CDK12: variants seen among roughly 807,000 people sequenced by gnomAD.
The protein encoded by CDK12 is cyclin dependent kinase 12, also known as cyclin-dependent kinase 12.
A neutral mutation model predicts 133.8 loss-of-function variants in CDK12; 17 were observed. The ratio of observed to expected loss-of-function variants is 0.13; its 90% confidence interval spans 0.09 to 0.19. CDK12 has a LOEUF of 0.19. Ranked by LOEUF, CDK12 falls within the 10% of genes least tolerant of loss-of-function variation. The pLI is 1.00. For synonymous variants in CDK12, 694 were observed against 683.6 expected (o/e 1.02, Z -0.24); for missense variants, 1,508 against 1,818.7 (o/e 0.83, Z 3.11).
At chr17:39,502,379 T>G (rs1192434078) in intron 6 of CDK12, among the ~76,000 whole-genome samples, 1 of 152,034 alleles carries the variant, frequency 6.6e-6, no homozygotes, top group Non-Finnish European at 1.5e-5. Context: ...GGTCTCTATC[T>G]CCTGACCTCG....
intron 9 of CDK12, 126 bp from the exon 10 acceptor site, chr17:39,517,314 G>T: frequency 1.5e-6 from 1 of 647,190 alleles, no homozygotes; most frequent in South Asian, 2.0e-5. Context: ...CTTTCTGCAT[G>T]CCCTGTAATG....
At chr17:39,496,962 A>C (rs2052173261) in intron 5 of CDK12, among the ~76,000 whole-genome samples, 1 of 118,242 alleles carries the variant, frequency 8.5e-6, no homozygotes. Context: ...AAGGAGTCTC[A>C]CTCTGTCGCC....
At position 39,517,534 on chromosome 17, in the gene CDK12, C is replaced by T. The variant is rs1300041019; in HGVS notation, c.2941C>T (p.Arg981Cys). The T allele has an allele frequency of 3.1e-6, 5 of 1,602,866 alleles. No homozygotes were observed. The highest frequency in any genetic ancestry group is 4.3e-6 in the Non-Finnish European group (5 of 1,169,920). Reference protein sequence around the residue: ...TMKPKKQYRRRLREEFSFIPS... With the variant: ...TMKPKKQYRRCLREEFSFIPS... ...GAAACCGAAGAAGCAATATCGAAGGCGTCTACGAGAAGAATTCTCTTTGTG... is the reference window on the plus strand; with the variant it reads ...GAAACCGAAGAAGCAATATCGAAGGTGTCTACGAGAAGAATTCTCTTTGTG... The change falls in exon 10 of 14, where the codon CGT becomes TGT. Residue 981 changes from arginine (R) to cysteine (C), a missense_variant. Arg to Cys is a radical substitution (Grantham distance 180). Coordinates refer to ENST00000447079, the MANE Select transcript of CDK12 (RefSeq NM_016507.4).
Position 39,496,453 on chromosome 17 carries a change from A to G in CDK12, c.2419+1759A>G, listed in dbSNP as rs534959637. On this transcript the variant is annotated intron_variant, in intron 5 of 13. Coordinates refer to ENST00000447079, the MANE Select transcript of CDK12 (RefSeq NM_016507.4). ...AGTGGCTCACCCCTGTAATCTCAGC[A>G]CTTTGGGAGGCCGAGTCAGGTTGAT... Among the ~76,000 whole-genome samples the G allele has an allele frequency of 4.7e-4, 71 of 152,226 alleles. 1 individual carries two copies. The highest frequency in any genetic ancestry group is 1.6e-3 in the African/African-American group (67 of 41,556).
chr17:39,496,816 A>G (rs1333353397), intron 5 of CDK12, among the ~76,000 whole-genome samples: 1 of 151,784 alleles, frequency 6.6e-6, no homozygotes, highest in African/African-American at 2.4e-5. Flanking sequence ...TATTTGGTCA[A>G]ATGGATTTTC....
downstream of CDK12, among the ~76,000 whole-genome samples, chr17:39,537,564 T>TA (rs2055194158): frequency 6.7e-6 from 1 of 148,150 alleles, no homozygotes; most frequent in Non-Finnish European, 1.5e-5. Context: ...TTTATTTATT[T>TA]ATTTATTTAT....
chr17:39,563,275 G>A (rs2144656688), intron 3 of CDK12, among the ~76,000 whole-genome samples: 1 of 152,158 alleles, frequency 6.6e-6, no homozygotes, highest in Admixed American at 6.6e-5. Flanking sequence ...GTGTGTAAGC[G>A]AGGCAGGGTA....
chr17:39,500,257 G>A (rs1035297133), intron 5 of CDK12, among the ~76,000 whole-genome samples: 5 of 152,120 alleles, frequency 3.3e-5, no homozygotes, highest in African/African-American at 9.7e-5. Context: ...CTTGAGCCCA[G>A]GAGTTTGAGG....
At chr17:39,565,332 T>C (rs1228119651), downstream of CDK12, among the ~76,000 whole-genome samples, 2 of 152,032 alleles carry the variant, frequency 1.3e-5, no homozygotes, top group East Asian at 3.9e-4. Context: ...GCCAGGATGG[T>C]CTCGATCTCC....
chr17:39,561,974 C>CT (rs1197897099), intron 3 of CDK12, among the ~76,000 whole-genome samples: 1 of 152,128 alleles, frequency 6.6e-6, no homozygotes, highest in African/African-American at 2.4e-5. Context: ...GAGTCTTGCC[C>CT]TGTCACCCAG....
downstream of CDK12, among the ~76,000 whole-genome samples, chr17:39,539,006 C>T (rs529395201): frequency 2.3e-4 from 35 of 152,198 alleles, no homozygotes; most frequent in African/African-American, 3.1e-4. Flanking sequence ...TGGTAGACCA[C>T]GTTTTTCTCT....
chr17:39,528,708 A>G (rs1426258740), intron 13 of CDK12, among the ~76,000 whole-genome samples: 1 of 152,230 alleles, frequency 6.6e-6, no homozygotes, highest in Non-Finnish European at 1.5e-5. Flanking sequence ...TTCTGTTGAA[A>G]CATAATTAGG....
At chr17:39,483,809 C>T (rs2050912136) in intron 2 of CDK12, among the ~76,000 whole-genome samples, 2 of 151,552 alleles carry the variant, frequency 1.3e-5, no homozygotes, top group South Asian at 4.2e-4. Flanking sequence ...CGTGAGCCAC[C>T]ACCCCTGGCG....
intron 11 of CDK12, among the ~76,000 whole-genome samples, chr17:39,521,716 C>A (rs771199536): frequency 1.3e-5 from 2 of 152,068 alleles, no homozygotes; most frequent in Non-Finnish European, 2.9e-5. Flanking sequence ...CAGGCCACCA[C>A]GCCCGACTAA....
rs1212029051 is a variant in CDK12, at chr17:39,471,561, C to T, written c.1729C>T (p.Pro577Ser). The change falls in exon 2 of 14, where the codon CCT (proline) becomes TCT (serine). Residue 577 changes from proline (P) to serine (S), a missense_variant. Pro to Ser is a moderately conservative substitution (Grantham distance 74, BLOSUM62 -1). Around this residue, in one of 9 missense-constraint regions of CDK12, gnomAD observed 347 missense variants for 330.8 expected, o/e 1.05. Coordinates refer to ENST00000447079, the MANE Select transcript of CDK12 (RefSeq NM_016507.4). ...TTCTCAGCCAGCATTTAGTCAGGTTCCTGCTTCCAGTACTTCAACTTTGCC... is the reference window on the plus strand; with the variant it reads ...TTCTCAGCCAGCATTTAGTCAGGTTTCTGCTTCCAGTACTTCAACTTTGCC... ...PPSQPAFSQV[P>S]ASSTSTLPPS... The T allele has an allele frequency of 2.5e-6, 4 of 1,613,832 alleles. No homozygotes were observed. Among genetic ancestry groups the T allele is most frequent in the Non-Finnish European group, 3.4e-6 (4 of 1,179,982 alleles).
intron 12 of CDK12, among the ~76,000 whole-genome samples, chr17:39,525,136 T>C (rs2146697547): frequency 6.6e-6 from 1 of 152,356 alleles, no homozygotes; most frequent in East Asian, 1.9e-4. Flanking sequence ...CAATTAGATG[T>C]GTGGCATAAA....
intron 3 of CDK12, among the ~76,000 whole-genome samples, chr17:39,491,867 G>A (rs367849430): frequency 2.2e-4 from 33 of 150,778 alleles, no homozygotes; most frequent in East Asian, 6.0e-4. Flanking sequence ...GGTGGCTCAC[G>A]CTTGTAATCC....
rs1002627214 is a variant in CDK12 at position 39,531,271 on chromosome 17, A to G, written c.4428A>G (p.Thr1476=). 2.7e-6 allele frequency: 4 copies of G among 1,504,626 alleles called. No homozygotes were observed. Among genetic ancestry groups the G allele is most frequent in the Non-Finnish European group, 3.5e-6 (4 of 1,129,950 alleles). The allele number at this position is 1,504,626 out of a possible 1,614,324, so 93.2% of individuals were successfully genotyped here. A position where few individuals can be genotyped will look rare whatever the true frequency, so the allele number is the denominator to read the frequency against. ...SAYGKLYRGP[T]RVPPRGGRGR... The stretch of plus-strand genomic sequence containing the variant: ...ATGGAAAACTCTATCGGGGGCCTAC[A>G]AGAGTCCCACCAAGAGGGGGAAGAG... The change falls in exon 14 of 14, where the codon ACA becomes ACG. Residue 1476 remains threonine (T), a synonymous_variant. Transcript: ENST00000447079.
chr17:39,464,699 G>A (rs1182082319), intron 1 of CDK12, among the ~76,000 whole-genome samples: 1 of 151,724 alleles, frequency 6.6e-6, no homozygotes, highest in African/African-American at 2.4e-5. Flanking sequence ...AAAGGTTGTA[G>A]TGAACACCCA....
Sources: gnomAD v4.1 joint callset for allele counts (sites outside exome capture counted in the v4.1 genomes callset) on GRCh38, gnomAD v4.1.1 for gene constraint, gnomAD v4.1.1 regional missense constraint, MANE v1.5 for transcripts, NCBI Gene and HGNC (gene_info 2026-07-23, HGNC 2026-07-21) for gene names.